The following UBE2K variants were observed in gnomAD, a reference collection of about 807,000 sequenced individuals.
UBE2K encodes ubiquitin-conjugating enzyme E2 K.
Under a neutral mutation model 30.0 loss-of-function variants are expected in UBE2K, and 6 were observed. That is an observed-to-expected ratio of 0.20 (90% CI 0.11 to 0.39). The LOEUF is 0.39. UBE2K is among the 10% of genes least tolerant of loss of function. UBE2K has a pLI of 1.00. For synonymous variants in UBE2K, 86 were observed against 83.7 expected (o/e 1.03, Z -0.15); for missense variants, 61 against 241.6 (o/e 0.25, Z 4.96).
At chr4:39,712,225 C>A (rs576359956) in intron 1 of UBE2K, among the ~76,000 whole-genome samples, 2 of 114,126 alleles carry the variant, frequency 1.8e-5, no homozygotes, top group Non-Finnish European at 3.5e-5. Flanking sequence ...TTTTTGAGAC[C>A]GAGTCTCGCT....
intron 1 of UBE2K, among the ~76,000 whole-genome samples, chr4:39,735,412 G>A (rs1578454386): frequency 6.6e-6 from 1 of 152,132 alleles, no homozygotes; most frequent in South Asian, 2.1e-4. Flanking sequence ...ACGGAGTCTC[G>A]TTCTGTCACC....
rs144642807 is a variant in UBE2K at position 39,757,444 on chromosome 4, G to A, written c.299+1705G>A. Reference sequence around the variant, plus strand: ...GGTTTACTTAGTAACTGGATGAACAGACTAGAGTTACAGGTTTTGTTTTGT... The same window carrying A: ...GGTTTACTTAGTAACTGGATGAACAAACTAGAGTTACAGGTTTTGTTTTGT... On this transcript the variant is annotated intron_variant, in intron 4 of 6. Coordinates refer to ENST00000261427, the MANE Select transcript of UBE2K (RefSeq NM_005339.5). 6.1e-4 allele frequency among the ~76,000 whole-genome samples: 87 copies of A among 142,052 alleles called. No individual in the cohort carries two copies. In the East Asian group the frequency reaches 0.016, roughly 27 times the overall value. The allele number at this position is 142,052 out of a possible 152,430, so 93.2% of individuals were successfully genotyped here. A position where few individuals can be genotyped will look rare whatever the true frequency, so the allele number is the denominator to read the frequency against.
At chr4:39,739,852 G>T (rs968661729) in intron 2 of UBE2K, among the ~76,000 whole-genome samples, 2 of 152,200 alleles carry the variant, frequency 1.3e-5, no homozygotes, top group Non-Finnish European at 2.9e-5. Context: ...GTGTCCCAAA[G>T]TCTTGGGATT....
chr4:39,745,530 C>T (rs2109360527), intron 2 of UBE2K, among the ~76,000 whole-genome samples: 1 of 152,316 alleles, frequency 6.6e-6, no homozygotes, highest in East Asian at 1.9e-4. Flanking sequence ...TTGTTACTCA[C>T]TGATAAACTA....
At chr4:39,734,686 C>T (rs939441812) in intron 1 of UBE2K, among the ~76,000 whole-genome samples, 6 of 152,130 alleles carry the variant, frequency 3.9e-5, no homozygotes, top group Non-Finnish European at 7.3e-5. Context: ...GTGGTGCACA[C>T]CTCTCGTCCC....
intron 1 of UBE2K, among the ~76,000 whole-genome samples, chr4:39,706,163 G>A (rs932932142): frequency 1.3e-5 from 2 of 151,344 alleles, no homozygotes; most frequent in Admixed American, 1.3e-4. Flanking sequence ...AGGCGTCCAC[G>A]ACCACTCCCA....
chr4:39,745,543 A>G (rs1720945844), intron 2 of UBE2K, among the ~76,000 whole-genome samples: 1 of 152,224 alleles, frequency 6.6e-6, no homozygotes, highest in South Asian at 2.1e-4. Flanking sequence ...ATAAACTAAT[A>G]CAGTTGTATG....
rs1345260853 is a variant in UBE2K at position 39,774,764 on chromosome 4, A to T, written c.300-70A>T. On this transcript the variant is annotated intron_variant, in intron 4 of 6. Transcript: ENST00000261427. ...TTAGCTCTACAATTTTTTAATTTTT[A>T]TTAAGAAAATACTTTGCTTTTGCCT... The T allele has an allele frequency of 5.6e-5, 51 of 904,770 alleles. No homozygotes were observed. The East Asian group carries it at 1.5e-3, about 26-fold the overall frequency. The allele number at this position is 904,770 out of a possible 1,614,324, so 56.0% of individuals were successfully genotyped here. A position where few individuals can be genotyped will look rare whatever the true frequency, so the allele number is the denominator to read the frequency against.
intron 2 of UBE2K, among the ~76,000 whole-genome samples, chr4:39,739,933 G>T (rs961026578): frequency 7.2e-5 from 11 of 152,100 alleles, no homozygotes; most frequent in Admixed American, 5.9e-4. Flanking sequence ...TTGTTTTATA[G>T]TTCATACGAG....
chr4:39,727,194 T>G (rs1459476016), intron 1 of UBE2K, among the ~76,000 whole-genome samples: 1 of 152,214 alleles, frequency 6.6e-6, no homozygotes, highest in Non-Finnish European at 1.5e-5. Context: ...ACAAGCAGTC[T>G]TAGAGTACAA....
chr4:39,770,831 GTCCTCA>G (rs1712753541), intron 4 of UBE2K: 3 of 1,544,358 alleles, frequency 1.9e-6, no homozygotes, highest in African/African-American at 1.4e-5. Context: ...TGTCAGATAC[GTCCTCA>G]TCCTCATCCT....
chr4:39,717,914 T>C (rs1719183772), intron 1 of UBE2K, among the ~76,000 whole-genome samples: 1 of 146,634 alleles, frequency 6.8e-6, no homozygotes, highest in Non-Finnish European at 1.5e-5. Context: ...TTCCTCCCGG[T>C]GGGTTCGTGG....
intron 4 of UBE2K, 140 bp downstream of exon 4, chr4:39,755,879 A>G (rs1332756919): frequency 5.3e-6 from 3 of 570,308 alleles, no homozygotes; most frequent in Non-Finnish European, 9.0e-6. Flanking sequence ...TTAAGTGCAT[A>G]ACTGAAAATG....
intron 1 of UBE2K, among the ~76,000 whole-genome samples, chr4:39,702,767 T>A (rs962621970): frequency 2.0e-5 from 3 of 152,150 alleles, no homozygotes; most frequent in Non-Finnish European, 2.9e-5. Context: ...GTCTTTTGAT[T>A]TCTGTAGACC....
rs1190440713 is a variant in UBE2K, at chr4:39,698,208, T to C, written c.-120T>C. On this transcript the variant is annotated 5_prime_UTR_variant, in exon 1 of 7. Transcript: ENST00000261427. Reference sequence around the variant, plus strand: ...GCGGCGGCCGGGGTGGTAGTGGCAGTGTTCGTGTGCTCAGGTCTGAATCGC... The same window carrying C: ...GCGGCGGCCGGGGTGGTAGTGGCAGCGTTCGTGTGCTCAGGTCTGAATCGC... 2 of 955,298 alleles carry C rather than the reference T, an allele frequency of 2.1e-6. No individual in the cohort carries two copies. The highest frequency in any genetic ancestry group is 3.3e-6 in the Non-Finnish European group (2 of 604,758). The allele number at this position is 955,298 out of a possible 1,614,324, so 59.2% of individuals were successfully genotyped here. A position where few individuals can be genotyped will look rare whatever the true frequency, so the allele number is the denominator to read the frequency against.
chr4:39,775,847 A>G (rs2109415949), intron 5 of UBE2K, among the ~76,000 whole-genome samples: 1 of 152,130 alleles, frequency 6.6e-6, no homozygotes, highest in Middle Eastern at 3.4e-3. Flanking sequence ...TTGACTTCTA[A>G]GATATTACCC....
At chr4:39,735,240 C>T (rs73240679) in intron 1 of UBE2K, among the ~76,000 whole-genome samples, 15,895 of 152,224 alleles carry the variant, frequency 0.1, 1,099 homozygotes, top group East Asian at 0.22. Flanking sequence ...GATGGAGTCT[C>T]GCTCTTTCAC....
intron 4 of UBE2K, among the ~76,000 whole-genome samples, chr4:39,764,421 C>CTT (rs1230143832): frequency 7.1e-6 from 1 of 140,448 alleles, no homozygotes; most frequent in Middle Eastern, 3.6e-3. Context: ...AGCAAACTGC[C>CTT]TTTTTTTTTT....
chr4:39,741,832 GGTTAA>G (rs1293695189), intron 2 of UBE2K, among the ~76,000 whole-genome samples: 2 of 151,774 alleles, frequency 1.3e-5, no homozygotes, highest in African/African-American at 4.8e-5. Context: ...CTCCTCTTTG[GGTTAA>G]GTTAAATTTA....
Sources: allele counts gnomAD v4.1 joint callset (sites outside exome capture counted in the v4.1 genomes callset), GRCh38; gene constraint gnomAD v4.1.1; transcripts MANE v1.5; gene names NCBI Gene and HGNC (gene_info 2026-07-23, HGNC 2026-07-21).